Variants in ASTN2 observed in about 807,000 individuals in gnomAD.
The protein encoded by ASTN2 is astrotactin 2.
ASTN2 carries 54 observed loss-of-function variants against 139.8 expected under a neutral mutation model. The observed-to-expected ratio is 0.39, with a 90% CI of 0.31 to 0.48. The LOEUF (loss-of-function observed/expected upper bound fraction) is 0.48, where lower values mean the gene tolerates loss of function less well. Ranked by LOEUF, ASTN2 falls within the 20% of genes least tolerant of loss-of-function variation. The pLI is 0.95. For synonymous variants in ASTN2, 756 were observed against 719.5 expected, an observed-to-expected ratio of 1.05 and a Z score of -0.81; for missense variants, 1,565 against 1,725.1, an observed-to-expected ratio of 0.91 and a Z score of 1.64.
At chr9:117,064,317 C>T (rs1353496748) in intron 5 of ASTN2, among the ~76,000 whole-genome samples, 1 of 152,098 alleles carries the variant, frequency 6.6e-6, no homozygotes, top group Non-Finnish European at 1.5e-5. Flanking sequence ...TTGGTATCTA[C>T]TGGGTGTCAC....
chr9:117,202,753 G>T (rs1472740344), intron 3 of ASTN2, among the ~76,000 whole-genome samples: 1 of 152,080 alleles, frequency 6.6e-6, no homozygotes, highest in Admixed American at 6.5e-5. Context: ...CTTTCTCTCT[G>T]GCTGCCCTTA....
intron 7 of ASTN2, among the ~76,000 whole-genome samples, chr9:116,996,454 A>G (rs930355972): frequency 4.6e-5 from 7 of 152,268 alleles, no homozygotes; most frequent in Admixed American, 2.0e-4. Context: ...ACTATTTACT[A>G]TAAAGGAAAA....
chr9:116,744,990 C>G lies in ASTN2; in HGVS notation c.2397-11467G>C, dbSNP rs530703900. ...CTCAGAACTGCAATTTGCTCCCTAGCAGAATGCAGCTTGTGACCCCTACTG... is the reference window on the plus strand; with the variant it reads ...CTCAGAACTGCAATTTGCTCCCTAGGAGAATGCAGCTTGTGACCCCTACTG... On this transcript the variant is annotated intron_variant, in intron 13 of 22. Coordinates refer to ENST00000313400, the MANE Select transcript of ASTN2 (RefSeq NM_001365068.1). Among the ~76,000 whole-genome samples the G allele has an allele frequency of 2.8e-4, 43 of 152,264 alleles. 1 individual carries two copies. Among genetic ancestry groups the G allele is most frequent in the South Asian group, 1.5e-3 (7 of 4,814 alleles).
intron 13 of ASTN2, among the ~76,000 whole-genome samples, chr9:116,792,618 C>T (rs1163673479): frequency 6.6e-6 from 1 of 152,154 alleles, no homozygotes; most frequent in East Asian, 1.9e-4. Flanking sequence ...CTACATTATG[C>T]ACCGGGGGCC....
chr9:117,016,813 T>TTATATATATATATATATATA (rs11378164), intron 6 of ASTN2, among the ~76,000 whole-genome samples: 5 of 92,578 alleles, frequency 5.4e-5, no homozygotes, highest in African/African-American at 1.6e-4. Context: ...TATATATGTT[T>TTATATATATATATATATATA]TATATATATA....
rs138804229 is a variant in ASTN2 at position 116,978,522 on chromosome 9, C to CACAG, written c.1592-1738_1592-1737insCTGT. 6.5e-3 allele frequency among the ~76,000 whole-genome samples: 971 copies of CACAG among 150,338 alleles called. 6 individuals are homozygous for CACAG. Among genetic ancestry groups the CACAG allele is most frequent in the African/African-American group, 9.4e-3 (383 of 40,808 alleles). The stretch of plus-strand genomic sequence containing the variant: ...ACACACACACACACACACACACACA[C>CACAG]AGAGAGATAAACCTGTCACCCTTGG... On this transcript the variant is annotated intron_variant, in intron 7 of 22. Coordinates refer to ENST00000313400, the MANE Select transcript of ASTN2 (RefSeq NM_001365068.1).
At position 116,594,045 on chromosome 9, in the gene ASTN2, A is replaced by G. The variant is rs866049469; in HGVS notation, c.3355+24279T>C. Among the ~76,000 whole-genome samples, 12 of 152,312 alleles carry G rather than the reference A, an allele frequency of 7.9e-5. No homozygotes were observed. The South Asian group carries it at 2.1e-3, about 26-fold the overall frequency. On this transcript the variant is annotated intron_variant, in intron 19 of 22. Transcript: ENST00000313400. ...TGCACTTCCTGCCCCAAGGCCTTCA[A>G]TGATGCCGTGGGACCTCTCTCAGCT...
chr9:116,465,229 C>T lies in ASTN2; in HGVS notation c.3497+22130G>A, dbSNP rs538900832. On this transcript the variant is annotated intron_variant, in intron 20 of 22. Transcript: ENST00000313400. ...GTTTGATTGTTGCTTTGAACTCAGGCGACCCTGTGCAGCCTTTGTCTAATA... is the reference window on the plus strand; with the variant it reads ...GTTTGATTGTTGCTTTGAACTCAGGTGACCCTGTGCAGCCTTTGTCTAATA... 2.6e-5 allele frequency among the ~76,000 whole-genome samples: 4 copies of T among 152,306 alleles called. No individual in the cohort carries two copies. The South Asian group carries it at 8.3e-4, about 32-fold the overall frequency.
chr9:116,435,699 C>A (rs1847629273), intron 22 of ASTN2, among the ~76,000 whole-genome samples: 1 of 152,164 alleles, frequency 6.6e-6, no homozygotes. Flanking sequence ...TAGAAACATT[C>A]TTTCTTTTAC....
chr9:116,723,559 C>A (rs1051412665), intron 16 of ASTN2, among the ~76,000 whole-genome samples: 1 of 152,176 alleles, frequency 6.6e-6, no homozygotes, highest in African/African-American at 2.4e-5. Flanking sequence ...CAACGTTTAG[C>A]AGATGGCAGT....
At chr9:117,343,509 C>T (rs1286958464) in intron 1 of ASTN2, among the ~76,000 whole-genome samples, 3 of 152,078 alleles carry the variant, frequency 2.0e-5, no homozygotes, top group Non-Finnish European at 4.4e-5. Flanking sequence ...TGTGGCACTC[C>T]CCAAGACTCA....
At chr9:117,021,171 G>T (rs1588487814) in intron 6 of ASTN2, among the ~76,000 whole-genome samples, 2 of 152,150 alleles carry the variant, frequency 1.3e-5, no homozygotes, top group African/African-American at 4.8e-5. Context: ...GCCTCCTAAA[G>T]TGTTGGGATT....
chr9:116,605,743 C>G (rs758452606), intron 19 of ASTN2, among the ~76,000 whole-genome samples: 3 of 152,152 alleles, frequency 2.0e-5, no homozygotes, highest in Non-Finnish European at 2.9e-5. Context: ...GCTAGATACT[C>G]CATTCTGTCA....
intron 2 of ASTN2, among the ~76,000 whole-genome samples, chr9:117,286,588 A>G (rs2130776164): frequency 6.6e-6 from 1 of 152,282 alleles, no homozygotes; most frequent in Admixed American, 6.5e-5. Context: ...GCTGGCAAAT[A>G]GTTAGGGGCC....
chr9:116,586,825 CAT>C (rs772526140), intron 19 of ASTN2, among the ~76,000 whole-genome samples: 6,431 of 117,478 alleles, frequency 0.055, 223 homozygotes, highest in East Asian at 0.091. Context: ...CACACACACA[CAT>C]ACATACACAC....
chr9:117,176,889 A>C (rs975190626), intron 3 of ASTN2, among the ~76,000 whole-genome samples: 2 of 152,178 alleles, frequency 1.3e-5, no homozygotes, highest in African/African-American at 4.8e-5. Context: ...ACACCACTGC[A>C]CTCTAGCCTG....
Position 116,598,316 on chromosome 9 carries a change from T to C in ASTN2, c.3355+20008A>G, listed in dbSNP as rs140710244. 2.7e-3 allele frequency among the ~76,000 whole-genome samples: 408 copies of C among 152,242 alleles called. 2 individuals are homozygous for C. Among genetic ancestry groups the C allele is most frequent in the African/African-American group, 9.3e-3 (388 of 41,562 alleles). On this transcript the variant is annotated intron_variant, in intron 19 of 22. Transcript: ENST00000313400. ...ACTCCTGAAGGCAGGTGGTATGGGG[T>C]AAAATACTGGGCTGAAACCCAGAAG...
intron 11 of ASTN2, among the ~76,000 whole-genome samples, chr9:116,855,964 C>T (rs1387708118): frequency 7.2e-5 from 11 of 152,004 alleles, no homozygotes; most frequent in Non-Finnish European, 1.6e-4. Flanking sequence ...TAATATTAGG[C>T]CTAGTATTAC....
intron 16 of ASTN2, among the ~76,000 whole-genome samples, chr9:116,714,466 TA>T (rs1426698977): frequency 6.6e-6 from 1 of 152,242 alleles, no homozygotes; most frequent in Non-Finnish European, 1.5e-5. Context: ...ATGATCATAA[TA>T]GCATTTCCTC....
Sources: gnomAD v4.1 joint callset for allele counts (sites outside exome capture counted in the v4.1 genomes callset) on GRCh38, gnomAD v4.1.1 for gene constraint, MANE v1.5 for transcripts, NCBI Gene and HGNC (gene_info 2026-07-23, HGNC 2026-07-21) for gene names.